Variants in ATP8A2 observed in about 807,000 individuals in gnomAD.
ATP8A2 encodes phospholipid-transporting ATPase IB.
Under a neutral mutation model 165.6 loss-of-function variants are expected in ATP8A2, and 100 were observed. The ratio of observed to expected loss-of-function variants is 0.60; its 90% CI spans 0.51 to 0.71. The LOEUF (loss-of-function observed/expected upper bound fraction) is 0.71. ATP8A2 is among the 30% of genes least tolerant of loss of function. The pLI, the probability that ATP8A2 is intolerant of heterozygous loss-of-function variation, is 0.00. For missense variants in ATP8A2, 1,227 were observed against 1,479.5 expected (o/e 0.83, Z 2.80); for synonymous variants, 543 against 548.8 (o/e 0.99, Z 0.15).
chr13:25,470,290 T>G (rs2137528269), intron 2 of ATP8A2, among the ~76,000 whole-genome samples: 1 of 152,350 alleles, frequency 6.6e-6, no homozygotes, highest in South Asian at 2.1e-4. Context: ...GGGCATATTT[T>G]ATACTTAAAA....
intron 1 of ATP8A2, among the ~76,000 whole-genome samples, chr13:25,437,936 T>A (rs1409683701): frequency 6.6e-6 from 1 of 152,234 alleles, no homozygotes; most frequent in East Asian, 1.9e-4. Context: ...ATGTTGATGA[T>A]TAGATAAGGC....
intron 1 of ATP8A2, among the ~76,000 whole-genome samples, chr13:25,463,022 G>A (rs941406336): frequency 6.6e-6 from 1 of 152,072 alleles, no homozygotes; most frequent in African/African-American, 2.4e-5. Context: ...GACTGGCGTT[G>A]GGAGGAAGAC....
chr13:25,822,277 T>TAG (rs1459187362), intron 27 of ATP8A2, among the ~76,000 whole-genome samples: 1 of 152,192 alleles, frequency 6.6e-6, no homozygotes, highest in Non-Finnish European at 1.5e-5. Flanking sequence ...TTCCAAATAA[T>TAG]GCCATACCAT....
chr13:25,385,611 T>G (rs74365508), intron 1 of ATP8A2, among the ~76,000 whole-genome samples: 1 of 152,184 alleles, frequency 6.6e-6, no homozygotes, highest in African/African-American at 2.4e-5. Flanking sequence ...ATAACTGGAT[T>G]GGTAACTTCT....
chr13:25,495,798 T>A (rs562002819), intron 2 of ATP8A2, among the ~76,000 whole-genome samples: 1 of 152,160 alleles, frequency 6.6e-6, no homozygotes, highest in East Asian at 1.9e-4. Context: ...AAGTCACTTT[T>A]ATACTTCCCA....
intron 33 of ATP8A2, among the ~76,000 whole-genome samples, chr13:25,897,496 G>C (rs1044718470): frequency 3.3e-5 from 5 of 151,944 alleles, no homozygotes; most frequent in African/African-American, 1.2e-4. Flanking sequence ...TTTGGTGAAT[G>C]TGACAATTAT....
At chr13:25,663,646 T>C (rs1415918291) in intron 24 of ATP8A2, among the ~76,000 whole-genome samples, 34 of 152,170 alleles carry the variant, frequency 2.2e-4, no homozygotes, top group Admixed American at 2.2e-3. Context: ...GTTCTAGACC[T>C]GTTGTTTGGG....
intron 25 of ATP8A2, among the ~76,000 whole-genome samples, chr13:25,740,069 G>A (rs963375059): frequency 1.3e-5 from 2 of 152,178 alleles, no homozygotes; most frequent in Admixed American, 1.3e-4. Context: ...CAGCACTTTG[G>A]GAGGCCGAGA....
At chr13:25,666,996 TA>T (rs1368188486) in intron 24 of ATP8A2, among the ~76,000 whole-genome samples, 2 of 152,232 alleles carry the variant, frequency 1.3e-5, no homozygotes, top group East Asian at 1.9e-4. Flanking sequence ...GTTATGGAGG[TA>T]AAAATTACAT....
intron 33 of ATP8A2, among the ~76,000 whole-genome samples, chr13:25,890,785 T>A (rs1953335300): frequency 6.6e-6 from 1 of 152,242 alleles, no homozygotes; most frequent in Non-Finnish European, 1.5e-5. Flanking sequence ...CTATGAAATT[T>A]AGCTTTTAAA....
intron 24 of ATP8A2, among the ~76,000 whole-genome samples, chr13:25,691,925 T>G (rs1336204428): frequency 6.6e-6 from 1 of 152,230 alleles, no homozygotes; most frequent in Non-Finnish European, 1.5e-5. Flanking sequence ...CATTAAGTTC[T>G]ATAAATACAA....
intron 24 of ATP8A2, among the ~76,000 whole-genome samples, chr13:25,698,670 T>A (rs1029765502): frequency 1.7e-4 from 26 of 152,210 alleles, no homozygotes; most frequent in Non-Finnish European, 3.1e-4. Flanking sequence ...ATACTTTCTA[T>A]AACATGGGAA....
chr13:25,914,588 C>T (rs993690075), intron 33 of ATP8A2, among the ~76,000 whole-genome samples: 6 of 152,170 alleles, frequency 3.9e-5, no homozygotes, highest in Admixed American at 1.3e-4. Flanking sequence ...GTCTTCAAAT[C>T]CACATTCTCA....
chr13:25,646,751 A>C (rs1041359308), intron 24 of ATP8A2, among the ~76,000 whole-genome samples: 1 of 151,712 alleles, frequency 6.6e-6, no homozygotes, highest in Admixed American at 6.6e-5. Flanking sequence ...TTATTGATAG[A>C]TAGGCAAGGA....
intron 25 of ATP8A2, among the ~76,000 whole-genome samples, chr13:25,724,946 A>G (rs1157229459): frequency 6.6e-6 from 1 of 152,166 alleles, no homozygotes; most frequent in African/African-American, 2.4e-5. Flanking sequence ...ATCAGAGTAA[A>G]CAAGTGATTG....
chr13:25,843,915 G>C (rs985894), intron 30 of ATP8A2, among the ~76,000 whole-genome samples: 6 of 152,276 alleles, frequency 3.9e-5, no homozygotes, highest in African/African-American at 7.2e-5. Context: ...CGGAGGGGGG[G>C]ACTTTTTCTC....
chr13:25,796,218 G>A (rs1298290861), intron 27 of ATP8A2, among the ~76,000 whole-genome samples: 1 of 152,054 alleles, frequency 6.6e-6, no homozygotes, highest in African/African-American at 2.4e-5. Context: ...GAAAGTGCTG[G>A]GATTACAGGC....
intron 33 of ATP8A2, among the ~76,000 whole-genome samples, chr13:25,912,085 A>G (rs1954124672): frequency 6.6e-6 from 1 of 152,026 alleles, no homozygotes; most frequent in African/African-American, 2.4e-5. Flanking sequence ...TTGCAACACT[A>G]TTCACAATAG....
chr13:25,567,439 G>A (rs183537819), intron 16 of ATP8A2: 11 of 455,518 alleles, frequency 2.4e-5, no homozygotes, highest in Admixed American at 4.7e-5. Flanking sequence ...CCTCCTCATC[G>A]TCTGCCCTCC....
Sources: allele counts gnomAD v4.1 joint callset (sites outside exome capture counted in the v4.1 genomes callset), GRCh38; gene constraint gnomAD v4.1.1; transcripts MANE v1.5; gene names NCBI Gene and HGNC (gene_info 2026-07-23, HGNC 2026-07-21).